SEMA5A: variants seen among roughly 807,000 people sequenced by gnomAD.
The protein encoded by SEMA5A is semaphorin-5A.
In SEMA5A, 55 loss-of-function variants were observed where a neutral mutation model predicts 135.5. The ratio of observed to expected loss-of-function variants is 0.41; its 90% CI spans 0.33 to 0.51. The LOEUF is 0.51. Ranked by LOEUF, SEMA5A falls within the 20% of genes least tolerant of loss-of-function variation. The pLI, the probability that SEMA5A is intolerant of heterozygous loss-of-function variation, is 0.37. For synonymous variants in SEMA5A, 580 were observed against 546.5 expected (o/e 1.06, Z -0.85); for missense variants, 1,290 against 1,419.9 (o/e 0.91, Z 1.47).
intron 2 of SEMA5A, among the ~76,000 whole-genome samples, chr5:9,396,102 C>G (rs1274906261): frequency 6.6e-6 from 1 of 152,102 alleles, no homozygotes; most frequent in African/African-American, 2.4e-5. Flanking sequence ...GCTACCCACA[C>G]GAGAAGTCTG....
chr5:9,373,996 G>T (rs2126450375), intron 3 of SEMA5A, among the ~76,000 whole-genome samples: 1 of 152,306 alleles, frequency 6.6e-6, no homozygotes, highest in South Asian at 2.1e-4. Context: ...CAGTAAGCAT[G>T]CTGAGAAACA....
intron 2 of SEMA5A, among the ~76,000 whole-genome samples, chr5:9,423,950 T>C (rs1402074654): frequency 6.6e-6 from 1 of 152,154 alleles, no homozygotes; most frequent in East Asian, 1.9e-4. Flanking sequence ...CACAAACTTT[T>C]CCCTAGCCCA....
chr5:9,145,641 C>CT (rs36054284), intron 12 of SEMA5A, among the ~76,000 whole-genome samples: 61,775 of 117,504 alleles, frequency 0.53, 18,447 homozygotes, highest in Non-Finnish European at 0.68. Context: ...AAGAAGAAAA[C>CT]TTTTTTTTTT....
At chr5:9,117,871 A>G (rs1740607057) in intron 15 of SEMA5A, among the ~76,000 whole-genome samples, 1 of 152,228 alleles carries the variant, frequency 6.6e-6, no homozygotes, top group Non-Finnish European at 1.5e-5. Flanking sequence ...CTTGCACAAG[A>G]CTGTCTCAGG....
At chr5:9,073,002 T>G (rs1737851874) in intron 16 of SEMA5A, among the ~76,000 whole-genome samples, 1 of 152,122 alleles carries the variant, frequency 6.6e-6, no homozygotes, top group East Asian at 1.9e-4. Context: ...CTCGAAGAGA[T>G]AAGGAAGAAA....
intron 1 of SEMA5A, among the ~76,000 whole-genome samples, chr5:9,490,296 C>G (rs1434440576): frequency 6.6e-6 from 1 of 152,050 alleles, no homozygotes; most frequent in Non-Finnish European, 1.5e-5. Context: ...CATAATATAT[C>G]TTATTTAAAC....
chr5:9,485,273 G>A (rs1734635807), intron 1 of SEMA5A, among the ~76,000 whole-genome samples: 1 of 150,720 alleles, frequency 6.6e-6, no homozygotes, highest in Admixed American at 6.6e-5. Flanking sequence ...AAAAAAAATA[G>A]ATGTGTTTAA....
chr5:9,359,311 G>A (rs1236391507), intron 3 of SEMA5A, among the ~76,000 whole-genome samples: 1 of 152,172 alleles, frequency 6.6e-6, no homozygotes. Flanking sequence ...GGGAAAAATA[G>A]TCACTTTATA....
At chr5:9,102,048 C>T (rs918452118) in intron 16 of SEMA5A, among the ~76,000 whole-genome samples, 13 of 152,034 alleles carry the variant, frequency 8.6e-5, no homozygotes, top group African/African-American at 3.1e-4. Context: ...TTCATAACAA[C>T]CCACCTGCCA....
intron 2 of SEMA5A, among the ~76,000 whole-genome samples, chr5:9,420,930 C>T (rs773705608): frequency 8.5e-5 from 13 of 152,202 alleles, no homozygotes; most frequent in South Asian, 2.1e-4. Context: ...GCAGGAGAAT[C>T]GCTTGAACCC....
At chr5:9,334,418 T>A (rs1475832356) in intron 4 of SEMA5A, among the ~76,000 whole-genome samples, 1 of 152,216 alleles carries the variant, frequency 6.6e-6, no homozygotes, top group Non-Finnish European at 1.5e-5. Context: ...CCCATGAAAT[T>A]TCCCAGGTGA....
chr5:9,451,837 C>T lies in SEMA5A; in HGVS notation c.-174-13985G>A, dbSNP rs576054206. 1.2e-4 allele frequency among the ~76,000 whole-genome samples: 18 copies of T among 152,246 alleles called. No homozygotes were observed. The South Asian group carries it at 1.2e-3, about 11-fold the overall frequency. ...CACCTTCCCCGTCTTCTTTCCTGCA[C>T]GGCTGAGGATGGCAGACAGTAACTC... On this transcript the variant is annotated intron_variant, in intron 1 of 22. Coordinates refer to ENST00000382496, the MANE Select transcript of SEMA5A (RefSeq NM_003966.3).
intron 2 of SEMA5A, chr5:9,422,255 T>C (rs447541): frequency 0.027 from 4,152 of 152,266 alleles, 181 homozygotes; most frequent in African/African-American, 0.094. Context: ...ATGCAGATGT[T>C]ATAGGGTGCT....
Position 9,062,791 on chromosome 5 carries a change from C to A in SEMA5A, c.2518+96G>T, listed in dbSNP as rs1364282533. On this transcript the variant is annotated intron_variant, in intron 18 of 22. Coordinates refer to ENST00000382496, the MANE Select transcript of SEMA5A (RefSeq NM_003966.3). Reference sequence around the variant, plus strand: ...ATTTATTAAGAACACAGATCTCAAACACGAAGCCAGGGAGCTGCGTGAGGC... The same window carrying A: ...ATTTATTAAGAACACAGATCTCAAAAACGAAGCCAGGGAGCTGCGTGAGGC... The A allele has an allele frequency of 3.9e-6, 5 of 1,282,690 alleles. No individual in the cohort carries two copies. The African/African-American group carries it at 5.9e-5, about 15-fold the overall frequency. 79.5% of individuals were successfully genotyped at this position (1,282,690 alleles called of 1,614,324 possible).
chr5:9,122,873 G>C, intron 13 of SEMA5A, 36 bp from the exon 14 acceptor site: 1 of 1,541,074 alleles, frequency 6.5e-7, no homozygotes, highest in Non-Finnish European at 8.8e-7. Flanking sequence ...GTCAGAAAAG[G>C]TTAAAGCTGA....
chr5:9,137,062 C>T (rs552203095), intron 12 of SEMA5A, among the ~76,000 whole-genome samples: 1 of 152,260 alleles, frequency 6.6e-6, no homozygotes, highest in East Asian at 1.9e-4. Context: ...CATGCAGACG[C>T]TTAAACGATT....
At chr5:9,435,175 G>C (rs1757987441) in intron 2 of SEMA5A, among the ~76,000 whole-genome samples, 1 of 152,020 alleles carries the variant, frequency 6.6e-6, no homozygotes, top group African/African-American at 2.4e-5. Flanking sequence ...GACCAGACCA[G>C]AACATTCTTG....
chr5:9,451,289 C>T (rs1000865269), intron 1 of SEMA5A, among the ~76,000 whole-genome samples: 1 of 152,186 alleles, frequency 6.6e-6, no homozygotes, highest in Non-Finnish European at 1.5e-5. Flanking sequence ...ACTGTAAATG[C>T]TTGGGAAATT....
chr5:9,039,760 C>G lies in SEMA5A; in HGVS notation c.*3137G>C, dbSNP rs1278225061. 1 of 152,252 alleles carries G rather than the reference C, an allele frequency of 6.6e-6. No homozygotes were observed. The highest frequency in any genetic ancestry group is 2.4e-5 in the African/African-American group (1 of 41,440). 9.4% of individuals were successfully genotyped at this position (152,252 alleles called of 1,614,324 possible). ...CGTGCCCCCTGAGTTCCTTAGAATT[C>G]ACTAAGTCCATATCATTCAGAGGTT... On this transcript the variant is annotated 3_prime_UTR_variant, in exon 23 of 23. Transcript: ENST00000382496.
Sources: allele counts gnomAD v4.1 joint callset (sites outside exome capture counted in the v4.1 genomes callset), GRCh38; gene constraint gnomAD v4.1.1; transcripts MANE v1.5; gene names NCBI Gene and HGNC (gene_info 2026-07-23, HGNC 2026-07-21).